DLGAP2: variants seen among roughly 807,000 people sequenced by gnomAD.
DLGAP2 encodes the protein disks large-associated protein 2.
DLGAP2 carries 26 observed loss-of-function variants against 100.3 expected under a neutral mutation model. That is an observed-to-expected ratio of 0.26 (90% CI 0.19 to 0.36). The LOEUF is 0.36. Among genes scored for constraint, DLGAP2 ranks in the 10% least tolerant of loss-of-function variants. DLGAP2 has a pLI of 1.00. For missense variants in DLGAP2, 1,858 were observed against 1,453.2 expected (o/e 1.28, Z -4.53); for synonymous variants, 886 against 630.1 (o/e 1.41, Z -6.08).
intron 4 of DLGAP2, among the ~76,000 whole-genome samples, chr8:1,546,488 C>G (rs1478534469): frequency 6.6e-6 from 1 of 152,228 alleles, no homozygotes; most frequent in Non-Finnish European, 1.5e-5. Flanking sequence ...CCATGCTGGC[C>G]CAGACGGCTG....
At chr8:1,199,514 C>G (rs1232325593) in intron 2 of DLGAP2, among the ~76,000 whole-genome samples, 1 of 152,184 alleles carries the variant, frequency 6.6e-6, no homozygotes. Flanking sequence ...GCCTGTGTGT[C>G]TGGATCACAG....
chr8:1,025,474 A>G (rs980255559), intron 2 of DLGAP2, among the ~76,000 whole-genome samples: 1 of 152,374 alleles, frequency 6.6e-6, no homozygotes, highest in African/African-American at 2.4e-5. Context: ...CAAAGTAATT[A>G]TAATGTAAAT....
intron 3 of DLGAP2, among the ~76,000 whole-genome samples, chr8:1,288,435 G>T (rs1320439525): frequency 8.9e-6 from 1 of 112,420 alleles, no homozygotes; most frequent in South Asian, 3.0e-4. Context: ...GGTTCAGTGT[G>T]TGTGTGTGTG....
chr8:1,200,516 A>ATGCT (rs879530436), intron 2 of DLGAP2, among the ~76,000 whole-genome samples: 23 of 152,126 alleles, frequency 1.5e-4, no homozygotes, highest in Admixed American at 4.6e-4. Context: ...AAGGGCCTGG[A>ATGCT]TGCTGATTGT....
At chr8:1,444,669 G>C (rs1338486818) in intron 3 of DLGAP2, among the ~76,000 whole-genome samples, 1 of 150,634 alleles carries the variant, frequency 6.6e-6, no homozygotes, top group African/African-American at 2.4e-5. Flanking sequence ...ATGGTCCCAT[G>C]ATTTTGACTC....
chr8:1,586,657 C>T (rs964791983), intron 6 of DLGAP2, among the ~76,000 whole-genome samples: 2 of 152,206 alleles, frequency 1.3e-5, no homozygotes, highest in African/African-American at 2.4e-5. Flanking sequence ...CAGAGTCCCG[C>T]CTGCAGAGGT....
chr8:1,271,215 A>T (rs545815402), intron 3 of DLGAP2, among the ~76,000 whole-genome samples: 14 of 152,316 alleles, frequency 9.2e-5, no homozygotes, highest in African/African-American at 3.4e-4. Context: ...GATTAGTGCC[A>T]AACAGGCCTT....
intron 3 of DLGAP2, among the ~76,000 whole-genome samples, chr8:1,342,978 G>C (rs1317194146): frequency 6.6e-6 from 1 of 152,214 alleles, no homozygotes; most frequent in Non-Finnish European, 1.5e-5. Flanking sequence ...GGTCGTGCAT[G>C]GGTGCGGGGT....
chr8:1,123,648 A>G lies in DLGAP2; in HGVS notation c.74-135203A>G, dbSNP rs572216241. ...TTTCCTTTATTCCTAAGGGAAAAAA[A>G]GAAATAGTTCTATGCACAACCTCTT... On this transcript the variant is annotated intron_variant, in intron 2 of 14. Transcript: ENST00000637795. 5.9e-5 allele frequency among the ~76,000 whole-genome samples: 9 copies of G among 152,254 alleles called. No individual in the cohort carries two copies. The South Asian group carries it at 1.9e-3, about 32-fold the overall frequency.
intron 3 of DLGAP2, among the ~76,000 whole-genome samples, chr8:1,473,605 A>G (rs1440947687): frequency 6.6e-6 from 1 of 152,042 alleles, no homozygotes; most frequent in Non-Finnish European, 1.5e-5. Flanking sequence ...GGGTGATGGG[A>G]TGCGCTGTCT....
chr8:1,342,347 C>A (rs370417222), intron 3 of DLGAP2, among the ~76,000 whole-genome samples: 1 of 152,176 alleles, frequency 6.6e-6, no homozygotes, highest in African/African-American at 2.4e-5. Context: ...TGCTGGGTCC[C>A]ACAGATGATG....
At position 1,701,888 on chromosome 8, in the gene DLGAP2, T is replaced by C. The variant is rs1042311005; in HGVS notation, c.*482T>C. 1.3e-5 allele frequency: 2 copies of C among 154,222 alleles called. No individual in the cohort carries two copies. The highest frequency in any genetic ancestry group is 4.8e-5 in the African/African-American group (2 of 41,498). The allele number at this position is 154,222 out of a possible 1,614,324, so 9.6% of individuals were successfully genotyped here. ...CTGAAGCGCAGGAAAGAAAGGCCCA[T>C]TCCCCTCGCACAGCCGAGCTTTTAC... On this transcript the variant is annotated 3_prime_UTR_variant, in exon 15 of 15. Transcript: ENST00000637795.
At chr8:1,417,150 C>CCCCTGTTCATTTAGCG (rs537951010) in intron 3 of DLGAP2, among the ~76,000 whole-genome samples, 3 of 85,362 alleles carry the variant, frequency 3.5e-5, no homozygotes, top group East Asian at 4.2e-4. Flanking sequence ...GCGGGGGAGA[C>CCCCTGTTCATTTAGCG]TCTGAGTGAA....
In DLGAP2 at chr8:1,187,580, G is replaced by A. The variant is rs1369712408; in HGVS notation, c.74-71271G>A. Among the ~76,000 whole-genome samples, 40 of 142,908 alleles carry A rather than the reference G, an allele frequency of 2.8e-4. 1 individual carries two copies. The highest frequency in any genetic ancestry group is 2.0e-3 in the Admixed American group (28 of 14,200). 93.8% of individuals were successfully genotyped at this position (142,908 alleles called of 152,430 possible). On this transcript the variant is annotated intron_variant, in intron 2 of 14. Coordinates refer to ENST00000637795, the MANE Select transcript of DLGAP2 (RefSeq NM_001346810.2). ...TTGCCTCACGGAATCTCGCACGCCC[G>A]GGACCTCCGTGACGTTTCCCTCACG...
intron 4 of DLGAP2, among the ~76,000 whole-genome samples, chr8:1,503,895 T>A (rs1799810685): frequency 6.6e-6 from 1 of 152,088 alleles, no homozygotes; most frequent in African/African-American, 2.4e-5. Flanking sequence ...GGTGGAGGAC[T>A]CTGGAGGGAG....
At chr8:1,130,118 GTCAGACACTTCACGCGAGTTATA>G (rs1796258907) in intron 2 of DLGAP2, among the ~76,000 whole-genome samples, 2 of 16,694 alleles carry the variant, frequency 1.2e-4, no homozygotes, top group Non-Finnish European at 2.7e-4. Context: ...AAGGGATCGT[GTCAGACACTTCACGCGAGTTATA>G]TGAGATGATG....
intron 3 of DLGAP2, among the ~76,000 whole-genome samples, chr8:1,348,510 T>TGGTGGCTGTGTG (rs1407645004): frequency 1.3e-4 from 19 of 149,614 alleles, no homozygotes; most frequent in South Asian, 2.1e-4. Flanking sequence ...ATTGCACTCA[T>TGGTGGCTGTGTG]GATAGCTGTT....
intron 2 of DLGAP2, among the ~76,000 whole-genome samples, chr8:950,736 C>T (rs1164919229): frequency 6.6e-6 from 1 of 151,562 alleles, no homozygotes; most frequent in African/African-American, 2.4e-5. Context: ...TTTCTCCTGC[C>T]TCAGCCTCCC....
intron 2 of DLGAP2, among the ~76,000 whole-genome samples, chr8:1,118,377 G>A (rs76106071): frequency 0.017 from 2,569 of 152,236 alleles, 58 homozygotes; most frequent in African/African-American, 0.06. Context: ...AGTTCCTTAC[G>A]TGACTGAGGA....
Sources: gnomAD v4.1 joint callset for allele counts (sites outside exome capture counted in the v4.1 genomes callset) on GRCh38, gnomAD v4.1.1 for gene constraint, MANE v1.5 for transcripts, NCBI Gene and HGNC (gene_info 2026-07-23, HGNC 2026-07-21) for gene names.